The following TSHR variants were observed in gnomAD, a reference collection of about 807,000 sequenced individuals.
The protein encoded by TSHR is thyrotropin receptor.
A neutral mutation model predicts 64.1 loss-of-function variants in TSHR; 51 were observed. The ratio of observed to expected loss-of-function variants is 0.80; its 90% CI spans 0.64 to 1.01. The LOEUF is 1.01. Ranked by LOEUF, TSHR falls within the 50% of genes least tolerant of loss-of-function variation. The pLI, the probability that TSHR is intolerant of heterozygous loss-of-function variation, is 0.00. For missense variants in TSHR, 877 were observed against 942.8 expected (o/e 0.93, Z 0.91); for synonymous variants, 361 against 361.9 (o/e 1.00, Z 0.03).
At chr14:81,140,858 G>A (rs1418088556) in intron 9 of TSHR, among the ~76,000 whole-genome samples, 2 of 152,072 alleles carry the variant, frequency 1.3e-5, no homozygotes, top group Non-Finnish European at 2.9e-5. Flanking sequence ...AGTGGCTCAC[G>A]CCTGTAATCC....
intron 1 of TSHR, among the ~76,000 whole-genome samples, chr14:80,981,723 G>A (rs770347320): frequency 3.3e-5 from 5 of 152,114 alleles, no homozygotes; most frequent in Non-Finnish European, 5.9e-5. Context: ...TGGTGGCTTT[G>A]GATTGTCGGA....
intron 1 of TSHR, chr14:81,051,969 C>T (rs1056723739): frequency 1.3e-5 from 2 of 152,104 alleles, no homozygotes; most frequent in Non-Finnish European, 2.9e-5. Context: ...AATATATTTG[C>T]AAATATTTTC....
At chr14:81,135,473 T>G (rs1300117695) in intron 8 of TSHR, among the ~76,000 whole-genome samples, 1 of 152,160 alleles carries the variant, frequency 6.6e-6, no homozygotes, top group Non-Finnish European at 1.5e-5. Context: ...AGTCACAAAG[T>G]TTTTGCAAAA....
At chr14:81,094,193 G>T (rs986847341) in intron 6 of TSHR, 1 of 152,212 alleles carries the variant, frequency 6.6e-6, no homozygotes, top group African/African-American at 2.4e-5. Context: ...AAAGACACAT[G>T]TTCCAACAAC....
chr14:81,143,717 C>T lies in TSHR; in HGVS notation c.1659C>T (p.Ala553=), dbSNP rs2140112102. 4.3e-6 allele frequency: 7 copies of T among 1,614,190 alleles called. No homozygotes were observed. The highest frequency in any genetic ancestry group is 5.9e-6 in the Non-Finnish European group (7 of 1,180,042). Residue 553 remains alanine (A), a synonymous_variant, in exon 10 of 10, where the codon GCC becomes GCT. Coordinates refer to ENST00000298171, the MANE Select transcript of TSHR (RefSeq NM_000369.5). ...VGGWVCCFLL[A]LLPLVGISSY... ...GCTGGGTTTGCTGCTTCCTTCTCGCCCTGCTTCCTTTGGTGGGAATAAGTA... is the reference window on the plus strand; with the variant it reads ...GCTGGGTTTGCTGCTTCCTTCTCGCTCTGCTTCCTTTGGTGGGAATAAGTA...
At position 80,997,164 on chromosome 14, in the gene TSHR, C is replaced by T. The variant is rs111298183; in HGVS notation, c.170+41314C>T. ...TAAAGAAGTTGAAGAACTCAACCAA[C>T]GTCAAGCAACTAGAAAGGAAACTGG... On this transcript the variant is annotated intron_variant, in intron 1 of 9. Coordinates refer to ENST00000298171, the MANE Select transcript of TSHR (RefSeq NM_000369.5). Among the ~76,000 whole-genome samples, 1,011 of 152,224 alleles carry T rather than the reference C, an allele frequency of 6.6e-3. 17 individuals carry two copies. The highest frequency in any genetic ancestry group is 0.021 in the African/African-American group (854 of 41,534).
chr14:81,025,516 A>G (rs932001456), intron 1 of TSHR, among the ~76,000 whole-genome samples: 4 of 152,092 alleles, frequency 2.6e-5, no homozygotes, highest in African/African-American at 7.2e-5. Context: ...AGCTGTTTCT[A>G]TGATATTCTA....
chr14:81,054,322 TC>T (rs1482733688), intron 1 of TSHR, among the ~76,000 whole-genome samples: 2 of 152,320 alleles, frequency 1.3e-5, no homozygotes, highest in East Asian at 3.9e-4. Flanking sequence ...CCATTAAACC[TC>T]TTTTTCTTCC....
At chr14:81,071,620 G>A (rs532607782) in intron 3 of TSHR, among the ~76,000 whole-genome samples, 1 of 152,200 alleles carries the variant, frequency 6.6e-6, no homozygotes, top group African/African-American at 2.4e-5. Context: ...AATTAGCTGA[G>A]CATGGTAGTG....
chr14:81,058,957 A>G (rs1198310078), intron 1 of TSHR, among the ~76,000 whole-genome samples: 2 of 152,168 alleles, frequency 1.3e-5, no homozygotes, highest in Admixed American at 6.6e-5. Flanking sequence ...GAGGGATAAA[A>G]ACAGATAGAT....
At position 81,033,642 on chromosome 14, in the gene TSHR, A is replaced by G. The variant is rs373640087; in HGVS notation, c.171-28506A>G. 4.2e-3 allele frequency among the ~76,000 whole-genome samples: 624 copies of G among 149,672 alleles called. 7 individuals are homozygous for G. The highest frequency in any genetic ancestry group is 0.015 in the African/African-American group (602 of 40,478). ...TTCTAAAAAAAAAAAAAAAATGTAC[A>G]ATTCTCTTTATCTTTAAACCAAGAG... is the stretch of plus-strand genomic sequence containing the variant. On this transcript the variant is annotated intron_variant, in intron 1 of 9. Transcript: ENST00000298171.
At chr14:80,991,211 A>G (rs902193283) in intron 1 of TSHR, among the ~76,000 whole-genome samples, 11 of 152,220 alleles carry the variant, frequency 7.2e-5, no homozygotes, top group African/African-American at 2.7e-4. Flanking sequence ...GTCCTCAGAT[A>G]TAACTCGTAC....
chr14:81,083,968 C>T (rs941668369), intron 3 of TSHR, among the ~76,000 whole-genome samples: 1 of 152,186 alleles, frequency 6.6e-6, no homozygotes. Flanking sequence ...ATCACGAGAA[C>T]AGCATGGGGG....
intron 1 of TSHR, among the ~76,000 whole-genome samples, chr14:80,961,303 G>C (rs889784895): frequency 6.6e-6 from 1 of 152,212 alleles, no homozygotes; most frequent in African/African-American, 2.4e-5. Context: ...TAGTGTGGGA[G>C]CTGCATATTA....
At chr14:81,138,957 G>A (rs1403977486) in intron 8 of TSHR, among the ~76,000 whole-genome samples, 2 of 152,202 alleles carry the variant, frequency 1.3e-5, no homozygotes, top group East Asian at 1.9e-4. Flanking sequence ...CTAATGCCAC[G>A]AATTCATTCT....
chr14:80,973,219 C>T (rs1344410556), intron 1 of TSHR, among the ~76,000 whole-genome samples: 3 of 151,800 alleles, frequency 2.0e-5, no homozygotes, highest in African/African-American at 7.3e-5. Flanking sequence ...TCCTGGCTAA[C>T]ACAGTGAAAC....
In TSHR at chr14:81,144,123, G is replaced by A; in HGVS notation, c.2065G>A (p.Val689Met). The stretch of plus-strand genomic sequence containing the variant: ...TTTCACCAAGGCCTTCCAGAGGGAT[G>A]TGTTCATCCTACTCAGCAAGTTTGG... ...AIFTKAFQRD[V>M]FILLSKFGIC... is the part of the protein sequence containing the mutation. Residue 689 changes from valine (V) to methionine (M), a missense_variant, in exon 10 of 10, where the codon GTG (valine) becomes ATG (methionine). Physicochemically the swap from Val to Met is conservative, Grantham distance 21. Transcript: ENST00000298171. 6.2e-7 allele frequency: 1 copy of A among 1,614,128 alleles called. No homozygotes were observed. Among genetic ancestry groups the A allele is most frequent in the South Asian group, 1.1e-5 (1 of 91,088 alleles).
At chr14:80,973,534 G>A (rs953109754) in intron 1 of TSHR, among the ~76,000 whole-genome samples, 11 of 151,838 alleles carry the variant, frequency 7.2e-5, no homozygotes, top group African/African-American at 2.4e-4. Context: ...CTAGCCAGTT[G>A]GCAGAGGAAC....
At chr14:81,037,698 T>A (rs1339927811) in intron 1 of TSHR, among the ~76,000 whole-genome samples, 1 of 151,480 alleles carries the variant, frequency 6.6e-6, no homozygotes. Context: ...GTAGCTATAC[T>A]TAGATAACAG....
Sources: allele counts gnomAD v4.1 joint callset (sites outside exome capture counted in the v4.1 genomes callset), GRCh38; gene constraint gnomAD v4.1.1; transcripts MANE v1.5; gene names NCBI Gene and HGNC (gene_info 2026-07-23, HGNC 2026-07-21).